The following TYW1 variants were observed in gnomAD, a reference collection of about 807,000 sequenced individuals.
TYW1 encodes the protein S-adenosyl-L-methionine-dependent tRNA 4-demethylwyosine synthase TYW1.
A neutral mutation model predicts 96.2 loss-of-function variants in TYW1; 46 were observed. The observed-to-expected ratio is 0.48, with a 90% CI of 0.38 to 0.61. TYW1 has a LOEUF of 0.61. Among genes scored for constraint, TYW1 ranks in the 20% least tolerant of loss-of-function variants. TYW1 has a pLI of 0.00. For synonymous variants in TYW1, 274 were observed against 323.0 expected (o/e 0.85, Z 1.63); for missense variants, 684 against 909.6 (o/e 0.75, Z 3.19).
At chr7:67,017,324 A>G (rs1236275144) in intron 5 of TYW1, among the ~76,000 whole-genome samples, 3 of 152,128 alleles carry the variant, frequency 2.0e-5, no homozygotes, top group Non-Finnish European at 2.9e-5. Flanking sequence ...CCACTCAGGA[A>G]GCTTATTAAG....
chr7:67,195,550 C>T (rs978221316), intron 15 of TYW1, among the ~76,000 whole-genome samples: 9 of 152,130 alleles, frequency 5.9e-5, no homozygotes, highest in Non-Finnish European at 1.2e-4. Context: ...CTCCTCTGGA[C>T]ATCTTGAAGT....
intron 7 of TYW1, among the ~76,000 whole-genome samples, chr7:67,026,227 C>T (rs890947217): frequency 6.6e-6 from 1 of 152,112 alleles, no homozygotes; most frequent in East Asian, 1.9e-4. Flanking sequence ...TGCATACCAC[C>T]ACGCTGAGCT....
At chr7:67,214,965 C>T (rs1801158030) in intron 15 of TYW1, among the ~76,000 whole-genome samples, 1 of 150,828 alleles carries the variant, frequency 6.6e-6, no homozygotes, top group Non-Finnish European at 1.5e-5. Flanking sequence ...GTTTTCCTTT[C>T]TTGTAGTATC....
chr7:67,175,875 A>G (rs1176590190), intron 13 of TYW1, among the ~76,000 whole-genome samples: 2 of 152,228 alleles, frequency 1.3e-5, no homozygotes, highest in African/African-American at 2.4e-5. Flanking sequence ...CACTATATTT[A>G]TCACCACTTC....
At position 66,998,141 on chromosome 7, in the gene TYW1, C is replaced by T. The variant is rs765495239; in HGVS notation, c.81C>T (p.Gly27=). 4 of 1,613,060 alleles carry T rather than the reference C, an allele frequency of 2.5e-6. No individual in the cohort carries two copies. The South Asian group carries it at 4.4e-5, about 18-fold the overall frequency. The change falls in exon 2 of 16, where the codon GGC becomes GGT. Residue 27 remains glycine (G), a synonymous_variant. Transcript: ENST00000359626. ...TAAACAGGTTTTACATTTATTTGGGCTTTGCTGTTAGCATTAGCCTTTGGA... is the reference window on the plus strand; with the variant it reads ...TAAACAGGTTTTACATTTATTTGGGTTTTGCTGTTAGCATTAGCCTTTGGA... ...LWINRFYIYL[G]FAVSISLWIC...
At chr7:67,236,676 A>G (rs1244416895) in intron 15 of TYW1, among the ~76,000 whole-genome samples, 1 of 152,214 alleles carries the variant, frequency 6.6e-6, no homozygotes, top group African/African-American at 2.4e-5. Context: ...TTATTACAAG[A>G]AAATTTCTTC....
At chr7:67,017,740 T>C (rs1794073103) in intron 5 of TYW1, 113 bp from the exon 6 acceptor site, 5 of 1,429,928 alleles carry the variant, frequency 3.5e-6, no homozygotes, top group Non-Finnish European at 4.7e-6. Flanking sequence ...TCCTCTTCCT[T>C]AGCGGCAGCC....
At chr7:67,115,756 A>G (rs35240413) in intron 12 of TYW1, among the ~76,000 whole-genome samples, 3 of 152,224 alleles carry the variant, frequency 2.0e-5, no homozygotes, top group Non-Finnish European at 2.9e-5. Flanking sequence ...CTACTGATAC[A>G]TATATAAAGC....
chr7:67,062,488 A>G (rs34031473), intron 9 of TYW1, among the ~76,000 whole-genome samples: 3 of 149,594 alleles, frequency 2.0e-5, no homozygotes, highest in Non-Finnish European at 3.0e-5. Context: ...GTTTTCTGCA[A>G]TCACCCAGAT....
At chr7:67,003,555 G>A (rs1378789805) in intron 3 of TYW1, among the ~76,000 whole-genome samples, 2 of 150,686 alleles carry the variant, frequency 1.3e-5, no homozygotes, top group Non-Finnish European at 3.0e-5. Context: ...GATTTGTAAG[G>A]GAAAAAATGA....
intron 13 of TYW1, among the ~76,000 whole-genome samples, chr7:67,132,468 T>C (rs1471685045): frequency 1.3e-5 from 2 of 152,234 alleles, no homozygotes; most frequent in Non-Finnish European, 2.9e-5. Flanking sequence ...CAGAGCATAG[T>C]GTTTTCCATA....
chr7:67,057,902 A>G (rs544775820), intron 9 of TYW1, among the ~76,000 whole-genome samples: 122 of 152,300 alleles, frequency 8.0e-4, no homozygotes, highest in African/African-American at 2.8e-3. Flanking sequence ...AGTTCACTAT[A>G]TCATATTTTT....
intron 15 of TYW1, among the ~76,000 whole-genome samples, chr7:67,215,691 A>T (rs1326628139): frequency 6.6e-6 from 1 of 152,010 alleles, no homozygotes; most frequent in Non-Finnish European, 1.5e-5. Flanking sequence ...ACTAACTTAC[A>T]CGATCACAAG....
chr7:67,130,501 G>A (rs1376263538), intron 13 of TYW1, among the ~76,000 whole-genome samples: 2 of 150,712 alleles, frequency 1.3e-5, no homozygotes, highest in African/African-American at 2.4e-5. Flanking sequence ...GTGAAACCCC[G>A]TCTCTACTAA....
In TYW1 at chr7:67,036,152, A is replaced by G. The variant is rs541649762; in HGVS notation, c.984+11130A>G. On this transcript the variant is annotated intron_variant, in intron 7 of 15. Transcript: ENST00000359626. ...AGTGGCAACTTATAATGAGTCTAAA[A>G]GTCTGAGCACCAGACTGGGCTCCAG... 1.0e-2 allele frequency among the ~76,000 whole-genome samples: 1,472 copies of G among 147,552 alleles called. 49 individuals carry two copies. Among genetic ancestry groups the G allele is most frequent in the Non-Finnish European group, 0.016 (1,040 of 65,756 alleles).
intron 7 of TYW1, among the ~76,000 whole-genome samples, chr7:67,038,529 C>T (rs1320939875): frequency 6.6e-6 from 1 of 151,298 alleles, no homozygotes; most frequent in Non-Finnish European, 1.5e-5. Context: ...TTGTTTGAGC[C>T]TGGGAGGTCA....
rs1584463779 is a variant in TYW1, at chr7:67,014,545, C to G, written c.554C>G (p.Ala185Gly). The G allele has an allele frequency of 6.2e-7, 1 of 1,611,484 alleles. No homozygotes were observed. Among genetic ancestry groups the G allele is most frequent in the Non-Finnish European group, 8.5e-7 (1 of 1,178,834 alleles). Residue 185 changes from alanine (A) to glycine (G), a missense_variant, in exon 5 of 16, where the codon GCT (alanine) becomes GGT (glycine). Ala to Gly is a moderately conservative substitution (Grantham distance 60). Coordinates refer to ENST00000359626, the MANE Select transcript of TYW1 (RefSeq NM_018264.4). Reference protein sequence around the residue: ...AVFGLGNSAYASHFNKVGKNV... With the variant: ...AVFGLGNSAYGSHFNKVGKNV... ...TTTGGCCTGGGAAATTCTGCCTATG[C>G]TAGCCACTTCAACAAGGTAGGTCTA...
chr7:67,192,290 A>G (rs1164851219), intron 14 of TYW1, among the ~76,000 whole-genome samples: 2 of 152,220 alleles, frequency 1.3e-5, no homozygotes, highest in African/African-American at 4.8e-5. Flanking sequence ...AGTCATGATA[A>G]TGAACCGCAG....
intron 11 of TYW1, among the ~76,000 whole-genome samples, chr7:67,095,522 G>A (rs1453205099): frequency 2.0e-5 from 3 of 152,074 alleles, no homozygotes; most frequent in African/African-American, 7.2e-5. Flanking sequence ...GACAGACGTG[G>A]TGGTGTGCGC....
Sources: allele counts gnomAD v4.1 joint callset (sites outside exome capture counted in the v4.1 genomes callset), GRCh38; gene constraint gnomAD v4.1.1; transcripts MANE v1.5; gene names NCBI Gene and HGNC (gene_info 2026-07-23, HGNC 2026-07-21).